The following LRP2 variants were observed in gnomAD, a reference collection of about 807,000 sequenced individuals.
The protein encoded by LRP2 is low-density lipoprotein receptor-related protein 2.
In LRP2, 172 loss-of-function variants were observed where a neutral mutation model predicts 531.0. The ratio of observed to expected loss-of-function variants is 0.32; its 90% confidence interval spans 0.29 to 0.37. LRP2 has a LOEUF of 0.37. Ranked by LOEUF, LRP2 falls within the 10% of genes least tolerant of loss-of-function variation. The pLI is 1.00. For missense variants in LRP2, 5,167 were observed against 5,868.3 expected (o/e 0.88, Z 3.90); for synonymous variants, 1,992 against 2,027.6 (o/e 0.98, Z 0.47).
chr2:169,348,047 A>T (rs952775494), intron 1 of LRP2, among the ~76,000 whole-genome samples: 4 of 152,206 alleles, frequency 2.6e-5, no homozygotes, highest in Non-Finnish European at 5.9e-5. Flanking sequence ...TGGCTCTGCC[A>T]CTTAGTAACT....
At chr2:169,148,630 T>A (rs1686008906) in intron 68 of LRP2, among the ~76,000 whole-genome samples, 2 of 152,054 alleles carry the variant, frequency 1.3e-5, no homozygotes, top group South Asian at 4.2e-4. Context: ...CCTGTCTATA[T>A]AAGTAAATTA....
chr2:169,151,569 A>T (rs1480520010), intron 67 of LRP2, among the ~76,000 whole-genome samples: 1 of 152,148 alleles, frequency 6.6e-6, no homozygotes, highest in Non-Finnish European at 1.5e-5. Context: ...CAGCTCAAAG[A>T]TGAGTGGAAA....
intron 61 of LRP2, 54 bp downstream of exon 61, chr2:169,168,485 A>G: frequency 6.2e-7 from 1 of 1,608,732 alleles, no homozygotes; most frequent in Middle Eastern, 1.7e-4. Flanking sequence ...GTAAGAAACA[A>G]TGAGATTTGA....
At chr2:169,226,675 C>A in intron 31 of LRP2, 87 bp from the exon 32 acceptor site, 1 of 949,148 alleles carries the variant, frequency 1.1e-6, no homozygotes, top group Non-Finnish European at 1.7e-6. Context: ...CTGTTACCAT[C>A]ATATGGGCTA....
At chr2:169,288,180 T>C (rs1481504625) in intron 9 of LRP2, among the ~76,000 whole-genome samples, 2 of 151,962 alleles carry the variant, frequency 1.3e-5, no homozygotes, top group African/African-American at 4.8e-5. Context: ...GTATCAAAAA[T>C]CAGATAGAAG....
intron 68 of LRP2, among the ~76,000 whole-genome samples, chr2:169,147,770 A>C (rs1228555661): frequency 6.6e-6 from 1 of 152,184 alleles, no homozygotes; most frequent in Non-Finnish European, 1.5e-5. Context: ...ATGAATGAGG[A>C]GAGATCCCGG....
At chr2:169,196,797 C>G (rs1688019017) in intron 46 of LRP2, 114 bp downstream of exon 46, 2 of 1,434,778 alleles carry the variant, frequency 1.4e-6, no homozygotes, top group African/African-American at 2.8e-5. Flanking sequence ...AAAGCTGGGA[C>G]AGGAAGTCCA....
intron 1 of LRP2, among the ~76,000 whole-genome samples, chr2:169,335,414 T>C (rs1043120659): frequency 1.3e-5 from 2 of 152,232 alleles, no homozygotes; most frequent in East Asian, 1.9e-4. Context: ...TCTATCATCA[T>C]AAAAGGATTT....
intron 14 of LRP2, 116 bp from the exon 15 acceptor site, chr2:169,273,183 C>A: frequency 4.1e-6 from 5 of 1,213,322 alleles, no homozygotes; most frequent in South Asian, 1.2e-5. Flanking sequence ...GGATTAGCAA[C>A]GTGTTGAAAA....
At chr2:169,134,651 A>G (rs1164930667) in intron 76 of LRP2, among the ~76,000 whole-genome samples, 1 of 152,106 alleles carries the variant, frequency 6.6e-6, no homozygotes, top group East Asian at 1.9e-4. Context: ...AGCAAGCCGA[A>G]CTCATTGCCT....
chr2:169,132,486 C>A, intron 77 of LRP2, 88 bp downstream of exon 77: 1 of 790,806 alleles, frequency 1.3e-6, no homozygotes. Context: ...CTTCCAGAAT[C>A]TCCCTTGTTT....
At chr2:169,295,393 G>T (rs754999683) in intron 4 of LRP2, among the ~76,000 whole-genome samples, 2 of 152,198 alleles carry the variant, frequency 1.3e-5, no homozygotes, top group Non-Finnish European at 2.9e-5. Context: ...AATTGTTGTT[G>T]CCACGTTATG....
At chr2:169,133,871 A>T (rs1438417471) in intron 76 of LRP2, among the ~76,000 whole-genome samples, 1 of 152,184 alleles carries the variant, frequency 6.6e-6, no homozygotes, top group African/African-American at 2.4e-5. Context: ...CCTGACACCC[A>T]TCAGGCTCAG....
At chr2:169,245,594 CTCTA>C (rs1328681541) in intron 21 of LRP2, among the ~76,000 whole-genome samples, 2 of 152,010 alleles carry the variant, frequency 1.3e-5, no homozygotes, top group African/African-American at 2.4e-5. Flanking sequence ...TTCAACTGTC[CTCTA>C]TCTTTTTTTT....
intron 16 of LRP2, among the ~76,000 whole-genome samples, chr2:169,261,210 C>T (rs1359538992): frequency 1.3e-5 from 2 of 151,840 alleles, no homozygotes; most frequent in African/African-American, 2.4e-5. Flanking sequence ...ATGGGAGAAA[C>T]TTGAGCATAT....
At position 169,246,758 on chromosome 2, in the gene LRP2, T is replaced by C. The variant is rs1690021109; in HGVS notation, c.3137A>G (p.Asp1046Gly). 2 of 1,614,038 alleles carry C rather than the reference T, an allele frequency of 1.2e-6. No individual in the cohort carries two copies. The highest frequency in any genetic ancestry group is 1.3e-5 in the African/African-American group (1 of 74,902). Residue 1046 changes from aspartate to glycine, a missense_variant, in exon 21 of 79, where the codon GAT (aspartate) becomes GGT (glycine). Around this residue, in one of 6 missense-constraint regions of LRP2, gnomAD observed 2,811 missense variants for 3,058.0 expected, o/e 0.92. Transcript: ENST00000649046. ...GRCVPNYYLCDGVDDCHDNSD... is the reference protein window; with the variant it reads ...GRCVPNYYLCGGVDDCHDNSD... ...GTTATCATGACAATCATCGACTCCATCACAGAGATAGTAATTGGGCACACA... is the reference window on the plus strand; with the variant it reads ...GTTATCATGACAATCATCGACTCCACCACAGAGATAGTAATTGGGCACACA...
intron 61 of LRP2, among the ~76,000 whole-genome samples, chr2:169,167,917 C>G (rs1391516301): frequency 1.3e-5 from 2 of 150,306 alleles, no homozygotes; most frequent in African/African-American, 4.9e-5. Flanking sequence ...TCCATCAGGT[C>G]TAAGCCTAGG....
At chr2:169,192,679 T>C (rs1480600649) in intron 47 of LRP2, among the ~76,000 whole-genome samples, 1 of 152,166 alleles carries the variant, frequency 6.6e-6, no homozygotes, top group African/African-American at 2.4e-5. Flanking sequence ...CATCAAATCA[T>C]TAGTGTCCAC....
chr2:169,245,011 G>T (rs1399095976), intron 21 of LRP2, 79 bp from the exon 22 acceptor site: 16 of 1,527,924 alleles, frequency 1.0e-5, no homozygotes, highest in Middle Eastern at 1.8e-4. Context: ...TAAAGGCTCA[G>T]TTCACCTTTT....
Sources: gnomAD v4.1 joint callset for allele counts (sites outside exome capture counted in the v4.1 genomes callset) on GRCh38, gnomAD v4.1.1 for gene constraint, gnomAD v4.1.1 regional missense constraint, MANE v1.5 for transcripts, NCBI Gene and HGNC (gene_info 2026-07-23, HGNC 2026-07-21) for gene names.